Variants in AFG1L observed in about 807,000 individuals in gnomAD.
AFG1L encodes AFG1-like ATPase.
In AFG1L, 53 loss-of-function variants were observed where a neutral mutation model predicts 62.2. That is an observed-to-expected ratio of 0.85 (90% CI 0.68 to 1.07). The LOEUF is 1.07. Among genes scored for constraint, AFG1L ranks in the 50% least tolerant of loss-of-function variants. The probability of loss-of-function intolerance (pLI) is 0.00; values close to 1 mark genes in which losing one functional copy is unlikely to be tolerated. For missense variants in AFG1L, 555 were observed against 590.5 expected, an observed-to-expected ratio of 0.94 and a Z score of 0.62; for synonymous variants, 228 against 210.3, an observed-to-expected ratio of 1.08 and a Z score of -0.73.
At chr6:108,300,096 A>T (rs1776922206) in intron 1 of AFG1L, among the ~76,000 whole-genome samples, 1 of 151,654 alleles carries the variant, frequency 6.6e-6, no homozygotes, top group Admixed American at 6.6e-5. Flanking sequence ...ATGATGATTC[A>T]TATTTAACTC....
At chr6:108,447,156 G>A (rs1435256635) in intron 7 of AFG1L, 58 bp from the exon 8 acceptor site, 1 of 856,946 alleles carries the variant, frequency 1.2e-6, no homozygotes, top group Admixed American at 2.0e-5. Context: ...ATAAGGGAAG[G>A]ATTGTAATTC....
intron 3 of AFG1L, among the ~76,000 whole-genome samples, chr6:108,347,548 T>C (rs1050735032): frequency 2.6e-5 from 4 of 152,336 alleles, no homozygotes; most frequent in African/African-American, 9.6e-5. Context: ...GTTCTAGACA[T>C]TGGGCAGAAA....
intron 7 of AFG1L, among the ~76,000 whole-genome samples, chr6:108,417,984 C>G (rs369802376): frequency 1.2e-4 from 18 of 152,196 alleles, no homozygotes; most frequent in Middle Eastern, 6.8e-3. Flanking sequence ...CAGGTGCCTG[C>G]CACCACGCCA....
At chr6:108,471,748 A>T (rs2114802607) in intron 8 of AFG1L, among the ~76,000 whole-genome samples, 1 of 152,220 alleles carries the variant, frequency 6.6e-6, no homozygotes, top group East Asian at 1.9e-4. Flanking sequence ...TAAAAATTTG[A>T]AAACATGCTG....
intron 11 of AFG1L, among the ~76,000 whole-genome samples, chr6:108,519,073 A>T (rs910922882): frequency 1.3e-5 from 2 of 152,184 alleles, no homozygotes; most frequent in Non-Finnish European, 2.9e-5. Context: ...TATTTCTTCC[A>T]GTTCTGTGAG....
chr6:108,334,540 T>TAA (rs1778404401), intron 2 of AFG1L, among the ~76,000 whole-genome samples: 1 of 118,972 alleles, frequency 8.4e-6, no homozygotes, highest in East Asian at 3.6e-4. Context: ...AAATAAAAAT[T>TAA]AAAAAATTAA....
chr6:108,316,258 G>A (rs1346368345), intron 1 of AFG1L, among the ~76,000 whole-genome samples: 1 of 147,028 alleles, frequency 6.8e-6, no homozygotes, highest in Non-Finnish European at 1.5e-5. Flanking sequence ...GCGGGCGCCT[G>A]TAGTCCCAGC....
At chr6:108,409,812 G>C (rs906337605) in intron 7 of AFG1L, among the ~76,000 whole-genome samples, 1 of 152,070 alleles carries the variant, frequency 6.6e-6, no homozygotes, top group African/African-American at 2.4e-5. Flanking sequence ...GGAATAATCA[G>C]ACATGAAAAC....
At chr6:108,355,138 G>A (rs1156657242) in intron 3 of AFG1L, among the ~76,000 whole-genome samples, 2 of 145,556 alleles carry the variant, frequency 1.4e-5, no homozygotes, top group East Asian at 4.0e-4. Flanking sequence ...TGGGGGTCTC[G>A]CTATGTTTCC....
At chr6:108,443,065 T>C (rs2114740176) in intron 7 of AFG1L, among the ~76,000 whole-genome samples, 1 of 152,344 alleles carries the variant, frequency 6.6e-6, no homozygotes, top group Non-Finnish European at 1.5e-5. Flanking sequence ...TCTTGCTGCA[T>C]AACAAATTAC....
chr6:108,323,836 C>T lies in AFG1L; in HGVS notation c.151C>T (p.Gln51Ter). Residue 51 changes from glutamine (Q) to a stop codon, truncating the protein, a stop_gained, in exon 2 of 13, where the codon CAG (glutamine) becomes TAG (stop). Transcript: ENST00000368977. LOFTEE classifies it high-confidence loss of function. ...GTTTTTGTTTATAGCCTATACGGTT[C>T]AGACATCCGAGAGCATGACCCCAAC... ...GKPFWKAYTVQTSESMTPTAT... is the reference protein window; with the variant it reads ...GKPFWKAYTV 1.9e-6 allele frequency: 3 copies of T among 1,613,626 alleles called. No individual in the cohort carries two copies. The South Asian group carries it at 3.3e-5, about 18-fold the overall frequency.
intron 11 of AFG1L, among the ~76,000 whole-genome samples, chr6:108,514,950 C>A (rs568107810): frequency 4.6e-5 from 7 of 152,130 alleles, no homozygotes; most frequent in Admixed American, 2.0e-4. Flanking sequence ...AGAGCTAACT[C>A]TTCTAAATAT....
At chr6:108,406,838 A>C (rs1040271035) in intron 7 of AFG1L, among the ~76,000 whole-genome samples, 9 of 152,152 alleles carry the variant, frequency 5.9e-5, no homozygotes, top group Non-Finnish European at 1.2e-4. Context: ...TGTTTTAGTT[A>C]GCTTTTTTTA....
intron 7 of AFG1L, among the ~76,000 whole-genome samples, chr6:108,410,636 A>G (rs1782056937): frequency 6.6e-6 from 1 of 152,226 alleles, no homozygotes. Flanking sequence ...ACCAGTCAAA[A>G]TTAATAATAT....
chr6:108,362,298 A>G (rs1779572278), intron 5 of AFG1L, among the ~76,000 whole-genome samples: 2 of 151,976 alleles, frequency 1.3e-5, no homozygotes, highest in Admixed American at 6.6e-5. Context: ...ATGTTTGTTT[A>G]CATGCTTGTT....
chr6:108,435,469 T>C (rs1771265296), intron 7 of AFG1L, among the ~76,000 whole-genome samples: 1 of 152,196 alleles, frequency 6.6e-6, no homozygotes, highest in Non-Finnish European at 1.5e-5. Flanking sequence ...AAGGATCGCT[T>C]GAGGCCAGGA....
At chr6:108,479,501 T>C (rs770287076) in intron 10 of AFG1L, among the ~76,000 whole-genome samples, 1 of 152,182 alleles carries the variant, frequency 6.6e-6, no homozygotes, top group Non-Finnish European at 1.5e-5. Context: ...TAGGTCGCAG[T>C]GTTAAGCTAT....
intron 2 of AFG1L, among the ~76,000 whole-genome samples, chr6:108,334,070 C>T (rs563017075): frequency 2.1e-3 from 312 of 152,130 alleles, no homozygotes; most frequent in African/African-American, 7.2e-3. Flanking sequence ...TTCAGTGGTG[C>T]GATCTCGGCT....
intron 7 of AFG1L, among the ~76,000 whole-genome samples, chr6:108,404,855 G>A (rs1781781936): frequency 6.6e-6 from 1 of 152,024 alleles, no homozygotes; most frequent in Admixed American, 6.6e-5. Context: ...AGCCTCCTGA[G>A]TAGCTGGGAC....
Sources: allele counts gnomAD v4.1 joint callset (sites outside exome capture counted in the v4.1 genomes callset), GRCh38; gene constraint gnomAD v4.1.1; transcripts MANE v1.5; gene names NCBI Gene and HGNC (gene_info 2026-07-23, HGNC 2026-07-21).